The following CCSER1 variants were observed in gnomAD, a reference collection of about 807,000 sequenced individuals.
The protein encoded by CCSER1 is coiled-coil serine rich protein 1, also known as serine-rich coiled-coil domain-containing protein 1.
A neutral mutation model predicts 82.0 loss-of-function variants in CCSER1; 41 were observed. The ratio of observed to expected loss-of-function variants is 0.50; its 90% confidence interval spans 0.39 to 0.65. The LOEUF is 0.65. Ranked by LOEUF, CCSER1 falls within the 30% of genes least tolerant of loss-of-function variation. The pLI is 0.00. For missense variants in CCSER1, 1,119 were observed against 1,064.2 expected (o/e 1.05, Z -0.72); for synonymous variants, 414 against 383.9 (o/e 1.08, Z -0.92).
intron 10 of CCSER1, among the ~76,000 whole-genome samples, chr4:91,308,069 A>G (rs1219205652): frequency 6.6e-6 from 1 of 151,836 alleles, no homozygotes; most frequent in Non-Finnish European, 1.5e-5. Context: ...TAATCATCCC[A>G]CCCCAAATCT....
chr4:90,831,592 G>A (rs1761117231), intron 8 of CCSER1, among the ~76,000 whole-genome samples: 1 of 152,106 alleles, frequency 6.6e-6, no homozygotes, highest in Non-Finnish European at 1.5e-5. Context: ...CAAGTTTAAT[G>A]CCATCCATCT....
chr4:91,093,737 T>A (rs1162635693), intron 10 of CCSER1, among the ~76,000 whole-genome samples: 1 of 152,188 alleles, frequency 6.6e-6, no homozygotes, highest in Non-Finnish European at 1.5e-5. Flanking sequence ...CTTTGTCAAA[T>A]CTGGTAGTCC....
intron 10 of CCSER1, among the ~76,000 whole-genome samples, chr4:91,297,391 G>GTGTGTGTGTGTGTGTGTGTGTA (rs1744291762): frequency 1.0e-5 from 1 of 99,466 alleles, no homozygotes; most frequent in Non-Finnish European, 2.1e-5. Flanking sequence ...GTGTATGTGT[G>GTGTGTGTGTGTGTGTGTGTGTA]TGTGTGTGTG....
intron 10 of CCSER1, among the ~76,000 whole-genome samples, chr4:91,248,705 T>C (rs1740008868): frequency 6.6e-6 from 1 of 152,006 alleles, no homozygotes. Context: ...GATGGGTTTC[T>C]GAAACAGAAA....
chr4:91,182,680 A>G (rs907897007), intron 10 of CCSER1, among the ~76,000 whole-genome samples: 2 of 152,220 alleles, frequency 1.3e-5, no homozygotes, highest in African/African-American at 4.8e-5. Context: ...AGAAGCTGGA[A>G]TGCCCATCAC....
At chr4:91,077,148 C>G (rs1290196697) in intron 9 of CCSER1, among the ~76,000 whole-genome samples, 3 of 152,156 alleles carry the variant, frequency 2.0e-5, no homozygotes, top group African/African-American at 7.2e-5. Flanking sequence ...GATTTCCCAT[C>G]AGCCAGAATA....
intron 10 of CCSER1, among the ~76,000 whole-genome samples, chr4:91,468,438 C>A (rs1184714837): frequency 6.6e-6 from 1 of 151,628 alleles, no homozygotes; most frequent in Non-Finnish European, 1.5e-5. Flanking sequence ...ACCAACATGG[C>A]ACATGTATAC....
chr4:90,899,281 T>C (rs919038377), intron 8 of CCSER1, among the ~76,000 whole-genome samples: 5 of 152,108 alleles, frequency 3.3e-5, no homozygotes, highest in Non-Finnish European at 7.4e-5. Flanking sequence ...AGAAATACAA[T>C]TGATTTTGGG....
intron 8 of CCSER1, among the ~76,000 whole-genome samples, chr4:90,879,297 C>T (rs572106416): frequency 6.6e-6 from 1 of 152,142 alleles, no homozygotes; most frequent in East Asian, 1.9e-4. Flanking sequence ...GCTATTTTGT[C>T]CTTCACCCCC....
intron 9 of CCSER1, among the ~76,000 whole-genome samples, chr4:91,046,527 G>A (rs1742502888): frequency 6.6e-6 from 1 of 152,084 alleles, no homozygotes; most frequent in African/African-American, 2.4e-5. Context: ...TTACTTAGAT[G>A]ATAAGATTCA....
intron 8 of CCSER1, among the ~76,000 whole-genome samples, chr4:90,919,222 A>G (rs958864946): frequency 6.6e-6 from 1 of 151,714 alleles, no homozygotes; most frequent in African/African-American, 2.4e-5. Context: ...TATATATTTG[A>G]TATGTTTCCT....
At chr4:90,188,460 G>A (rs780117538) in intron 1 of CCSER1, among the ~76,000 whole-genome samples, 19 of 151,060 alleles carry the variant, frequency 1.3e-4, no homozygotes, top group Non-Finnish European at 2.5e-4. Context: ...CCACTACTTA[G>A]AAGATTACCA....
intron 8 of CCSER1, among the ~76,000 whole-genome samples, chr4:90,870,882 C>T (rs1252042808): frequency 7.5e-6 from 1 of 132,852 alleles, no homozygotes; most frequent in Non-Finnish European, 1.6e-5. Flanking sequence ...TTGTTATGGT[C>T]TATTCAGATT....
chr4:90,847,610 A>G (rs530027794), intron 8 of CCSER1, among the ~76,000 whole-genome samples: 6 of 152,262 alleles, frequency 3.9e-5, no homozygotes, highest in Middle Eastern at 3.4e-3. Flanking sequence ...TTTGTTATCA[A>G]TATTTCCTTT....
chr4:90,146,480 A>G (rs1725830597), intron 1 of CCSER1, among the ~76,000 whole-genome samples: 1 of 152,048 alleles, frequency 6.6e-6, no homozygotes, highest in Non-Finnish European at 1.5e-5. Flanking sequence ...AGCTACCGTC[A>G]TTCTAATTAC....
At chr4:90,765,169 A>C (rs1239107805) in intron 7 of CCSER1, among the ~76,000 whole-genome samples, 3 of 152,148 alleles carry the variant, frequency 2.0e-5, no homozygotes, top group Non-Finnish European at 4.4e-5. Flanking sequence ...ATGTCCTTAG[A>C]GGAGTTTCTA....
intron 8 of CCSER1, among the ~76,000 whole-genome samples, chr4:90,896,277 T>G (rs1723700651): frequency 1.3e-5 from 2 of 151,892 alleles, no homozygotes; most frequent in South Asian, 4.1e-4. Flanking sequence ...CATATCTAAG[T>G]GGGTATGCCT....
intron 4 of CCSER1, among the ~76,000 whole-genome samples, chr4:90,454,143 C>A (rs1461201378): frequency 6.6e-6 from 1 of 151,948 alleles, no homozygotes; most frequent in African/African-American, 2.4e-5. Context: ...ACATTTGTAG[C>A]AGTTAACAGG....
intron 10 of CCSER1, among the ~76,000 whole-genome samples, chr4:91,102,578 G>A (rs1469513448): frequency 1.3e-5 from 2 of 152,078 alleles, no homozygotes; most frequent in African/African-American, 2.4e-5. Flanking sequence ...GTTTTTATAA[G>A]GCACATAAGT....
Sources: gnomAD v4.1 joint callset for allele counts (sites outside exome capture counted in the v4.1 genomes callset) on GRCh38, gnomAD v4.1.1 for gene constraint, MANE v1.5 for transcripts, NCBI Gene and HGNC (gene_info 2026-07-23, HGNC 2026-07-21) for gene names.